Variants in POLQ observed in about 807,000 individuals in gnomAD.
POLQ encodes the protein DNA polymerase theta.
POLQ carries 233 observed loss-of-function variants against 259.2 expected under a neutral mutation model. That is an observed-to-expected ratio of 0.90 (90% CI 0.81 to 1.00). The LOEUF (loss-of-function observed/expected upper bound fraction) is 1.00. Among genes scored for constraint, POLQ ranks in the 50% least tolerant of loss-of-function variants. The pLI is 0.00. For missense variants in POLQ, 2,871 were observed against 3,051.6 expected (o/e 0.94, Z 1.39); for synonymous variants, 1,025 against 1,048.8 (o/e 0.98, Z 0.44).
chr3:121,450,915 T>A (rs1323209711), intron 25 of POLQ, among the ~76,000 whole-genome samples: 3 of 152,194 alleles, frequency 2.0e-5, no homozygotes, highest in Admixed American at 6.5e-5. Context: ...CCCGGTCACT[T>A]TCAGGTACAC....
chr3:121,508,231 G>A (rs1040122126), intron 12 of POLQ, among the ~76,000 whole-genome samples: 3 of 152,084 alleles, frequency 2.0e-5, no homozygotes, highest in African/African-American at 7.2e-5. Context: ...CAAGCATTCA[G>A]CATACTAACA....
intron 12 of POLQ, among the ~76,000 whole-genome samples, chr3:121,498,936 C>T (rs1294073392): frequency 6.6e-6 from 1 of 152,036 alleles, no homozygotes; most frequent in Non-Finnish European, 1.5e-5. Flanking sequence ...AATAAAATGG[C>T]TGACTGTGGT....
At chr3:121,490,513 A>G in intron 15 of POLQ, 105 bp from the exon 16 acceptor site, 1 of 889,294 alleles carries the variant, frequency 1.1e-6, no homozygotes, top group African/African-American at 1.7e-5. Context: ...AAAAAATAAC[A>G]ATGAAGAAGA....
chr3:121,465,287 T>A (rs2047826269), intron 24 of POLQ, among the ~76,000 whole-genome samples: 1 of 152,058 alleles, frequency 6.6e-6, no homozygotes, highest in South Asian at 2.1e-4. Flanking sequence ...AGATGGGGTC[T>A]CCCTTTGTTG....
At chr3:121,524,933 T>A (rs2048361863) in intron 7 of POLQ, among the ~76,000 whole-genome samples, 1 of 86,760 alleles carries the variant, frequency 1.2e-5, no homozygotes, top group African/African-American at 3.5e-5. Flanking sequence ...TATTTGTGTA[T>A]AAATACACAC....
At chr3:121,466,691 GAAA>G (rs202168653) in intron 24 of POLQ, among the ~76,000 whole-genome samples, 1 of 127,776 alleles carries the variant, frequency 7.8e-6, no homozygotes, top group Non-Finnish European at 1.7e-5. Flanking sequence ...ACTCCATCTC[GAAA>G]AAAAAAAAAA....
In POLQ at chr3:121,487,495, T is replaced by C. The variant is rs1405117651; in HGVS notation, c.5436A>G (p.Gly1812=). ...TGCTTGAGGCTGGAGTTAACTGTAA[T>C]CCATCCTGTGATAACTGAAGTGAAA... The part of the protein sequence containing the change: ...TSFSLQLSQD[G]LQLTPASSSS... Residue 1812 remains glycine (G), a synonymous_variant, in exon 16 of 30, where the codon GGA becomes GGG. Coordinates refer to ENST00000264233, the MANE Select transcript of POLQ (RefSeq NM_199420.4). The C allele has an allele frequency of 6.2e-7, 1 of 1,614,106 alleles. No homozygotes were observed. Among genetic ancestry groups the C allele is most frequent in the Non-Finnish European group, 8.5e-7 (1 of 1,179,992 alleles).
intron 28 of POLQ, among the ~76,000 whole-genome samples, chr3:121,434,769 A>G (rs2047529110): frequency 6.6e-6 from 1 of 152,144 alleles, no homozygotes; most frequent in African/African-American, 2.4e-5. Flanking sequence ...CTCATCCTCA[A>G]TAACTAATCA....
In POLQ at chr3:121,545,895, C is replaced by A; in HGVS notation, c.-18G>T. ...AGATTCATGGCAAACTCTTCTCGGCCGATCAGGGCAAGCCACAGTCCCAGC... is the reference window on the plus strand; with the variant it reads ...AGATTCATGGCAAACTCTTCTCGGCAGATCAGGGCAAGCCACAGTCCCAGC... On this transcript the variant is annotated 5_prime_UTR_variant, in exon 1 of 30. Transcript: ENST00000264233. The A allele has an allele frequency of 6.2e-7, 1 of 1,612,496 alleles. No individual in the cohort carries two copies. Among genetic ancestry groups the A allele is most frequent in the African/African-American group, 1.3e-5 (1 of 75,032 alleles).
chr3:121,470,878 T>A lies in POLQ; in HGVS notation c.6718+1112A>T. Among the ~76,000 whole-genome samples, 3 of 152,276 alleles carry A rather than the reference T, an allele frequency of 2.0e-5. No individual in the cohort carries two copies. In the South Asian group the frequency reaches 6.2e-4, roughly 32 times the overall value. ...TCAAACTCCTGGGCTCAAGTGACCC[T>A]CCCATCTTGGCCTCCCAAAGTGCTG... is the stretch of plus-strand genomic sequence containing the variant. On this transcript the variant is annotated intron_variant, in intron 22 of 29. Coordinates refer to ENST00000264233, the MANE Select transcript of POLQ (RefSeq NM_199420.4).
intron 12 of POLQ, among the ~76,000 whole-genome samples, chr3:121,500,922 G>A (rs1015156298): frequency 4.6e-5 from 7 of 152,154 alleles, no homozygotes; most frequent in African/African-American, 1.7e-4. Context: ...GCAGTGAGAT[G>A]ACATATTCAA....
chr3:121,493,833 T>C, intron 14 of POLQ, 112 bp from the exon 15 acceptor site: 1 of 963,152 alleles, frequency 1.0e-6, no homozygotes. Context: ...AATTGTAAGA[T>C]TTAACAAGGC....
chr3:121,488,219 T>C lies in POLQ; in HGVS notation c.4712A>G (p.Asp1571Gly). Reference protein sequence around the residue: ...MDSVQMVEALDNVDIFPVQEK... With the variant: ...MDSVQMVEALGNVDIFPVQEK... ...TTGGACAGGAAATATATCCACATTG[T>C]CCAAAGCTTCAACCATCTGAACAGA... The change falls in exon 16 of 30, where the codon GAC becomes GGC. Residue 1571 changes from aspartate to glycine, a missense_variant. Physicochemically the swap from Asp to Gly is moderately conservative, Grantham distance 94. Transcript: ENST00000264233. 6.2e-7 allele frequency: 1 copy of C among 1,613,522 alleles called. No homozygotes were observed. Among genetic ancestry groups the C allele is most frequent in the Non-Finnish European group, 8.5e-7 (1 of 1,179,856 alleles).
Position 121,481,704 on chromosome 3 carries a change from GGCT to G in POLQ, c.6076_6078del (p.Ser2026del). The G allele has an allele frequency of 6.2e-7, 1 of 1,614,054 alleles. No homozygotes were observed. Among genetic ancestry groups the G allele is most frequent in the Admixed American group, 1.7e-5 (1 of 59,998 alleles). ...TTTAGCCCCAGGCTTTGAATCCCTT[GGCT>G]GGTCTCCATCCCTTCTAGGAGTGGA... On this transcript the variant is annotated inframe_deletion, in exon 19 of 30. Transcript: ENST00000264233.
intron 1 of POLQ, among the ~76,000 whole-genome samples, chr3:121,545,427 G>A (rs1486492147): frequency 6.6e-6 from 1 of 152,154 alleles, no homozygotes; most frequent in African/African-American, 2.4e-5. Flanking sequence ...GGTACTACCA[G>A]GAACGAGCCG....
chr3:121,522,209 G>C (rs1262765944), intron 7 of POLQ, 60 bp from the exon 8 acceptor site: 5 of 1,245,160 alleles, frequency 4.0e-6, no homozygotes, highest in African/African-American at 3.2e-5. Context: ...AAGTGTATCT[G>C]TCTAAATCAT....
rs777412743 is a variant in POLQ, at chr3:121,509,555, A to G, written c.1959+6T>C. 6.2e-6 allele frequency: 10 copies of G among 1,607,488 alleles called. No homozygotes were observed. Among genetic ancestry groups the G allele is most frequent in the Non-Finnish European group, 8.5e-6 (10 of 1,177,380 alleles). On this transcript the variant is annotated splice_donor_region_variant and intron_variant, in intron 12 of 29. Transcript: ENST00000264233. ...TCACAAACATAATTGTTAAAACAGA[A>G]CTTACCAGATAGAGAATATGAAGAT...
chr3:121,518,398 A>G (rs1189364531), intron 9 of POLQ, among the ~76,000 whole-genome samples: 2 of 152,232 alleles, frequency 1.3e-5, no homozygotes, highest in African/African-American at 4.8e-5. Context: ...AAGCTTGTTC[A>G]CAGTATAAGA....
At chr3:121,532,877 C>T (rs2048421363) in intron 6 of POLQ, 113 bp downstream of exon 6, 1 of 705,286 alleles carries the variant, frequency 1.4e-6, no homozygotes, top group African/African-American at 1.8e-5. Flanking sequence ...TAATATTAAT[C>T]CTAATGTATA....
Sources: allele counts gnomAD v4.1 joint callset (sites outside exome capture counted in the v4.1 genomes callset), GRCh38; gene constraint gnomAD v4.1.1; transcripts MANE v1.5; gene names NCBI Gene and HGNC (gene_info 2026-07-23, HGNC 2026-07-21).